The following SEC16A variants were observed in gnomAD, a reference collection of about 807,000 sequenced individuals.
The protein encoded by SEC16A is SEC16 homolog A, endoplasmic reticulum export factor.
A neutral mutation model predicts 221.9 loss-of-function variants in SEC16A; 110 were observed. The ratio of observed to expected loss-of-function variants is 0.50; its 90% CI spans 0.42 to 0.58. The LOEUF is 0.58. Among genes scored for constraint, SEC16A ranks in the 20% least tolerant of loss-of-function variants. The pLI is 0.00. For missense variants in SEC16A, 3,165 were observed against 3,097.8 expected (o/e 1.02, Z -0.52); for synonymous variants, 1,393 against 1,257.7 (o/e 1.11, Z -2.28).
In SEC16A at chr9:136,459,040, C is replaced by A; in HGVS notation, c.5409+94G>T. The A allele has an allele frequency of 3.8e-6, 3 of 789,544 alleles. No individual in the cohort carries two copies. The highest frequency in any genetic ancestry group is 5.9e-6 in the Non-Finnish European group (3 of 512,102). 48.9% of individuals were successfully genotyped at this position (789,544 alleles called of 1,614,324 possible). On this transcript the variant is annotated intron_variant, in intron 17 of 31. Transcript: ENST00000684901. This position sits in a 1 kb window ranked among gnomAD's most constrained non-coding sequence, Gnocchi z 6.1. ...CCCAAAAAACTCACATCATTTTTTT[C>A]GATACCAATTCAAACAATCTAAGTA... is the stretch of plus-strand genomic sequence containing the variant.
At position 136,463,662 on chromosome 9, in the gene SEC16A, C is replaced by T; in HGVS notation, c.4508+17G>A. The T allele has an allele frequency of 6.2e-7, 1 of 1,613,542 alleles. No homozygotes were observed. The highest frequency in any genetic ancestry group is 8.5e-7 in the Non-Finnish European group (1 of 1,179,736). ...CAAGGCCGGGCTCACAAAGAAATGCCTCAACAAGGAACATACTTGGCCAGG... is the reference window on the plus strand; with the variant it reads ...CAAGGCCGGGCTCACAAAGAAATGCTTCAACAAGGAACATACTTGGCCAGG... On this transcript the variant is annotated intron_variant, in intron 10 of 31. Coordinates refer to ENST00000684901, the MANE Select transcript of SEC16A (RefSeq NM_014866.2).
Position 136,463,007 on chromosome 9 carries a change from T to C in SEC16A, c.4773A>G (p.Glu1591=). 6.2e-7 allele frequency: 1 copy of C among 1,611,600 alleles called. No individual in the cohort carries two copies. The change falls in exon 12 of 32, where the codon GAA becomes GAG. Residue 1591 remains glutamate, a synonymous_variant. Transcript: ENST00000684901. ...GCTGGGCCTCACCAGACTCCTCCTC[T>C]TCCACCTGCTCCACTGCCTCATTCG... ...DFTNEAVEQV[E]EEESGEAQLS...
chr9:136,457,573 G>C lies in SEC16A; in HGVS notation c.5421C>G (p.Phe1807Leu), dbSNP rs1487697826. 1 of 1,610,164 alleles carries C rather than the reference G, an allele frequency of 6.2e-7. No homozygotes were observed. Among genetic ancestry groups the C allele is most frequent in the East Asian group, 2.2e-5 (1 of 44,690 alleles). ...CPLPSFQVFK[F>L]IYSCRLAEMG... ...TTTCCGCCAGGCGGCAGGAGTAGAT[G>C]AACTTAAACACCTGAAACGACAGAA... is the stretch of plus-strand genomic sequence containing the variant. The change falls in exon 18 of 32, where the codon TTC becomes TTG. Residue 1807 changes from phenylalanine (F) to leucine (L), a missense_variant. Phe to Leu is a conservative substitution (Grantham distance 22). Around this residue, in one of 3 missense-constraint regions of SEC16A, gnomAD observed 1,088 missense variants for 1,089.6 expected, o/e 1.00. Transcript: ENST00000684901.
chr9:136,456,663 A>C (rs1020136768), intron 18 of SEC16A, among the ~76,000 whole-genome samples: 4 of 152,212 alleles, frequency 2.6e-5, no homozygotes, highest in Non-Finnish European at 5.9e-5. Context: ...GTTTTTGGGT[A>C]TCCCATGAGC....
At chr9:136,458,627 CAAA>C (rs1392292293) in intron 17 of SEC16A, among the ~76,000 whole-genome samples, 2 of 101,994 alleles carry the variant, frequency 2.0e-5, no homozygotes, top group African/African-American at 3.6e-5. Context: ...GACTCGGTCT[CAAA>C]AAAAAAAAAA....
Position 136,474,250 on chromosome 9 carries a change from C to T in SEC16A, c.3366G>A (p.Val1122=). 1 of 1,608,956 alleles carries T rather than the reference C, an allele frequency of 6.2e-7. No individual in the cohort carries two copies. Among genetic ancestry groups the T allele is most frequent in the East Asian group, 2.2e-5 (1 of 44,718 alleles). ...GGCCGGAGCCACTGGACACCAGAGA[C>T]ACGCTAGAGGACTGAGGAGGCCGAG... ...LPPRPPQSSS[V]SLVSSGSGQA... Residue 1122 remains valine, a synonymous_variant, in exon 3 of 32, where the codon GTG becomes GTA. Coordinates refer to ENST00000684901, the MANE Select transcript of SEC16A (RefSeq NM_014866.2).
intron 28 of SEC16A, among the ~76,000 whole-genome samples, 173 bp from the exon 29 acceptor site, chr9:136,445,892 C>A (rs1179137781): frequency 6.6e-6 from 1 of 152,186 alleles, no homozygotes; most frequent in Non-Finnish European, 1.5e-5. Flanking sequence ...GCCGCACAAC[C>A]CTGTTGACTC....
In SEC16A at chr9:136,475,418, T is replaced by C; in HGVS notation, c.2198A>G (p.Asp733Gly). The change falls in exon 3 of 32, where the codon GAT becomes GGT. Residue 733 changes from aspartate (D) to glycine (G), a missense_variant. This residue lies in a region of SEC16A where 2,030 missense variants were observed against 1,923.1 expected (regional missense o/e 1.06). Transcript: ENST00000684901. This position sits in a 1 kb window ranked among gnomAD's most constrained non-coding sequence, Gnocchi z 5.0. Reference sequence around the variant, plus strand: ...GGCCAGAAGGACGTTGCCTCCAAAATCTGGCAGCTCACTTTGCGCCCACAG... The same window carrying C: ...GGCCAGAAGGACGTTGCCTCCAAAACCTGGCAGCTCACTTTGCGCCCACAG... Reference protein sequence around the residue: ...TTLWAQSELPDFGGNVLLAPA... With the variant: ...TTLWAQSELPGFGGNVLLAPA... The C allele has an allele frequency of 6.2e-7, 1 of 1,610,796 alleles. No homozygotes were observed. The highest frequency in any genetic ancestry group is 8.5e-7 in the Non-Finnish European group (1 of 1,177,854).
At chr9:136,473,347 G>A (rs1470496235) in intron 3 of SEC16A, among the ~76,000 whole-genome samples, 1 of 152,264 alleles carries the variant, frequency 6.6e-6, no homozygotes, top group East Asian at 1.9e-4. Flanking sequence ...GGGTTAGAGG[G>A]TAGGAAAAGC....
intron 21 of SEC16A, among the ~76,000 whole-genome samples, chr9:136,453,809 G>A (rs892272841): frequency 1.3e-5 from 2 of 152,176 alleles, no homozygotes; most frequent in African/African-American, 4.8e-5. Flanking sequence ...CTCACCAGGC[G>A]TCCAGCAGGG....
chr9:136,464,849 G>A (rs947981370), intron 8 of SEC16A, among the ~76,000 whole-genome samples: 27 of 152,142 alleles, frequency 1.8e-4, no homozygotes, highest in African/African-American at 5.3e-4. Flanking sequence ...GCCACGGTGC[G>A]TAATCCTCCC....
Position 136,474,758 on chromosome 9 carries a change from C to T in SEC16A, c.2858G>A (p.Gly953Glu). Residue 953 changes from glycine to glutamate, a missense_variant, in exon 3 of 32, where the codon GGA becomes GAA. Physicochemically the swap from Gly to Glu is moderately conservative, Grantham distance 98. This residue lies in a region of SEC16A where 2,030 missense variants were observed against 1,923.1 expected (regional missense o/e 1.06). Transcript: ENST00000684901. Reference sequence around the variant, plus strand: ...GCTTCCAGCAGGGCTATTAGCAAATCCGGGAAGAGCACTTCCTGCCTTACG... The same window carrying T: ...GCTTCCAGCAGGGCTATTAGCAAATTCGGGAAGAGCACTTCCTGCCTTACG... ...KDRKAGSALP[G>E]FANSPAGSTS... The T allele has an allele frequency of 6.2e-7, 1 of 1,613,950 alleles. No individual in the cohort carries two copies. The highest frequency in any genetic ancestry group is 8.5e-7 in the Non-Finnish European group (1 of 1,179,898).
rs1230958266 is a variant in SEC16A at position 136,455,632 on chromosome 9, G to C, written c.5826C>G (p.His1942Gln). Residue 1942 changes from histidine (H) to glutamine (Q), a missense_variant, in exon 20 of 32, where the codon CAC becomes CAG. This residue lies in a region of SEC16A where 1,088 missense variants were observed against 1,089.6 expected (regional missense o/e 1.00). Coordinates refer to ENST00000684901, the MANE Select transcript of SEC16A (RefSeq NM_014866.2). Reference sequence around the variant, plus strand: ...GCAGCAGCCGCACGCTCGGGCTCGAGTGCTCAGGGCTCGGTGCAGGCACCG... The same window carrying C: ...GCAGCAGCCGCACGCTCGGGCTCGACTGCTCAGGGCTCGGTGCAGGCACCG... ...LLAVPAPSPE[H>Q]SSPSVRLLPS... is the part of the protein sequence containing the mutation. 2 of 1,585,206 alleles carry C rather than the reference G, an allele frequency of 1.3e-6. No homozygotes were observed. The highest frequency in any genetic ancestry group is 1.7e-6 in the Non-Finnish European group (2 of 1,167,352).
chr9:136,477,172 T>C lies in SEC16A; in HGVS notation c.444A>G (p.Ser148=), dbSNP rs1240542778. 1 of 1,613,856 alleles carries C rather than the reference T, an allele frequency of 6.2e-7. No homozygotes were observed. Among genetic ancestry groups the C allele is most frequent in the Admixed American group, 1.7e-5 (1 of 60,030 alleles). Reference sequence around the variant, plus strand: ...ATGGCAGAGTCTGAACTTCAGGCTCTGAACTGGGACCGACCTCTGCACTCC... The same window carrying C: ...ATGGCAGAGTCTGAACTTCAGGCTCCGAACTGGGACCGACCTCTGCACTCC... The part of the protein sequence containing the change: ...MNRSAEVGPS[S]EPEVQTLPYL... The change falls in exon 3 of 32, where the codon TCA becomes TCG. Residue 148 remains serine, a synonymous_variant. Coordinates refer to ENST00000684901, the MANE Select transcript of SEC16A (RefSeq NM_014866.2).
In SEC16A at chr9:136,459,702, G is replaced by A. The variant is rs758425976; in HGVS notation, c.5191+55C>T. 40 of 1,460,878 alleles carry A rather than the reference G, an allele frequency of 2.7e-5. No homozygotes were observed. The highest frequency in any genetic ancestry group is 3.8e-4 in the Middle Eastern group (2 of 5,234). The allele number at this position is 1,460,878 out of a possible 1,614,324, so 90.5% of individuals were successfully genotyped here. ...ATTTCTGCCAACGCCACAGACAACC[G>A]GGCCTTCGGCGCTCCATCCGCGACA... is the stretch of plus-strand genomic sequence containing the variant. On this transcript the variant is annotated intron_variant, in intron 15 of 31. Transcript: ENST00000684901. The surrounding 1 kb of genome is among the most constrained non-coding windows in gnomAD (Gnocchi z 6.1).
In SEC16A at chr9:136,447,206, G is replaced by A. The variant is rs1837123306; in HGVS notation, c.6697+21C>T. ...GGAGACTGGGGGCTGACCTGGAGGGGCTGGTGCTCGTGCTACCTACCTGGG... is the reference window on the plus strand; with the variant it reads ...GGAGACTGGGGGCTGACCTGGAGGGACTGGTGCTCGTGCTACCTACCTGGG... On this transcript the variant is annotated intron_variant, in intron 27 of 31. Transcript: ENST00000684901. The surrounding 1 kb of genome is among the most constrained non-coding windows in gnomAD (Gnocchi z 5.5). The A allele has an allele frequency of 6.3e-7, 1 of 1,583,274 alleles. No individual in the cohort carries two copies. The highest frequency in any genetic ancestry group is 1.3e-5 in the African/African-American group (1 of 74,360).
chr9:136,464,476 T>A lies in SEC16A; in HGVS notation c.4390A>T (p.Ile1464Phe). 1.2e-6 allele frequency: 2 copies of A among 1,612,924 alleles called. No homozygotes were observed. The highest frequency in any genetic ancestry group is 1.3e-5 in the African/African-American group (1 of 75,062). ...TGTCCTTCTGAAGGCAGATTGGGAA[T>A]CACTTTGATAAGCTGACCGCCAGGG... The part of the protein sequence containing the change: ...FGPGGQLIKV[I>F]PNLPSEGQPA... The change falls in exon 9 of 32, where the codon ATT becomes TTT. Residue 1464 changes from isoleucine to phenylalanine, a missense_variant. Physicochemically the swap from Ile to Phe is conservative, Grantham distance 21. Transcript: ENST00000684901.
chr9:136,484,620 C>T (rs531872427), upstream of SEC16A: 2 of 1,363,584 alleles, frequency 1.5e-6, no homozygotes, highest in South Asian at 2.3e-5. Context: ...TGGGAGCCAC[C>T]CTTGTCCCCA....
rs756402290 is a variant in SEC16A, at chr9:136,466,167, A to G, written c.4129-31T>C. Reference sequence around the variant, plus strand: ...AAAACAAAGCAAACGGGCAAAATCAATTCCCCAGGCACAGCAGTAAAACTT... The same window carrying G: ...AAAACAAAGCAAACGGGCAAAATCAGTTCCCCAGGCACAGCAGTAAAACTT... On this transcript the variant is annotated intron_variant, in intron 7 of 31. Coordinates refer to ENST00000684901, the MANE Select transcript of SEC16A (RefSeq NM_014866.2). The surrounding 1 kb of genome is among the most constrained non-coding windows in gnomAD (Gnocchi z 5.5). 1.3e-6 allele frequency: 2 copies of G among 1,572,070 alleles called. No individual in the cohort carries two copies. The highest frequency in any genetic ancestry group is 1.4e-5 in the African/African-American group (1 of 73,938).
Sources: gnomAD v4.1 joint callset for allele counts (sites outside exome capture counted in the v4.1 genomes callset) on GRCh38, gnomAD v4.1.1 for gene constraint, gnomAD v4.1.1 regional missense constraint, Gnocchi (gnomAD v3.1) non-coding constraint, MANE v1.5 for transcripts, NCBI Gene and HGNC (gene_info 2026-07-23, HGNC 2026-07-21) for gene names.